SLC5A11: variants seen among roughly 807,000 people sequenced by gnomAD.
SLC5A11 encodes sodium/myo-inositol cotransporter 2.
SLC5A11 carries 48 observed loss-of-function variants against 69.8 expected under a neutral mutation model. The ratio of observed to expected loss-of-function variants is 0.69; its 90% CI spans 0.55 to 0.87. SLC5A11 has a LOEUF of 0.87. Ranked by LOEUF, SLC5A11 falls within the 40% of genes least tolerant of loss-of-function variation. SLC5A11 has a pLI of 0.00. For missense variants in SLC5A11, 784 were observed against 866.1 expected (o/e 0.91, Z 1.19); for synonymous variants, 319 against 342.4 (o/e 0.93, Z 0.75).
At chr16:24,907,249 C>CCTCTGG in intron 12 of SLC5A11, 74 bp downstream of exon 13, 12 of 1,549,088 alleles carry the variant, frequency 7.7e-6, no homozygotes, top group Non-Finnish European at 1.1e-5. Flanking sequence ...AGTCCAGGTT[C>CCTCTGG]AGCCAGCAAC....
chr16:24,858,502 C>A, intron 1 of SLC5A11, 118 bp from the exon 3 acceptor site: 2 of 770,544 alleles, frequency 2.6e-6, no homozygotes, highest in Non-Finnish European at 3.9e-6. Context: ...ATCTGTCTTC[C>A]ACCACACATC....
intron 1 of SLC5A11, among the ~76,000 whole-genome samples, chr16:24,849,438 A>C (rs1056997230): frequency 1.3e-5 from 2 of 151,070 alleles, no homozygotes; most frequent in Non-Finnish European, 1.5e-5. Flanking sequence ...GTGGTGACAC[A>C]TGCCTGTAAT....
chr16:24,877,657 C>G (rs930221380), intron 7 of SLC5A11, among the ~76,000 whole-genome samples: 2 of 152,096 alleles, frequency 1.3e-5, no homozygotes, highest in Non-Finnish European at 1.5e-5. Context: ...CCAGACCAGC[C>G]TGGCCAACAT....
intron 3 of SLC5A11, among the ~76,000 whole-genome samples, chr16:24,862,963 A>ATTATATAATATATAATTT (rs2046679276): frequency 7.2e-6 from 1 of 138,648 alleles, no homozygotes; most frequent in Non-Finnish European, 1.5e-5. Context: ...ATAATTATAT[A>ATTATATAATATATAATTT]TTATATAATA....
At chr16:24,875,324 A>G (rs1157070282) in intron 5 of SLC5A11, among the ~76,000 whole-genome samples, 1 of 152,120 alleles carries the variant, frequency 6.6e-6, no homozygotes, top group African/African-American at 2.4e-5. Context: ...AGCTGGGACT[A>G]CAGGCGCCTG....
intron 1 of SLC5A11, among the ~76,000 whole-genome samples, chr16:24,851,985 CT>C (rs1399610861): frequency 9.3e-5 from 14 of 150,896 alleles, no homozygotes; most frequent in Non-Finnish European, 1.5e-4. Context: ...CTCTCTCTCT[CT>C]CTCTCTCTCC....
At chr16:24,899,943 G>A (rs957851600) in intron 10 of SLC5A11, among the ~76,000 whole-genome samples, 7 of 152,012 alleles carry the variant, frequency 4.6e-5, no homozygotes, top group Non-Finnish European at 1.0e-4. Flanking sequence ...GGCTCAAGCA[G>A]TCCACCCACT....
At chr16:24,887,865 CG>C (rs2152353726) in intron 8 of SLC5A11, among the ~76,000 whole-genome samples, 1 of 152,050 alleles carries the variant, frequency 6.6e-6, no homozygotes, top group African/African-American at 2.4e-5. Context: ...AAGCGATAAA[CG>C]GGGGATAAGT....
At position 24,909,019 on chromosome 16, in the gene SLC5A11, TC is replaced by T. The variant is rs2050295471; in HGVS notation, c.1575del (p.Met526Ter). ...GAAGAGCATTCACTACCTCTACTTCTCCATGATCCTGTCCACGGTCACCCTC... is the reference window on the plus strand; with the variant it reads ...GAAGAGCATTCACTACCTCTACTTCTCATGATCCTGTCCACGGTCACCCTC... On this transcript the variant is annotated frameshift_variant, in exon 14 of 16. Coordinates refer to ENST00000347898, the Ensembl canonical transcript of SLC5A11. LOFTEE classifies it high-confidence loss of function. 6.2e-7 allele frequency: 1 copy of T among 1,613,946 alleles called. No individual in the cohort carries two copies. The highest frequency in any genetic ancestry group is 8.5e-7 in the Non-Finnish European group (1 of 1,180,026).
intron 12 of SLC5A11, 57 bp from the exon 14 acceptor site, chr16:24,907,906 G>A: frequency 6.3e-7 from 1 of 1,579,648 alleles, no homozygotes; most frequent in Admixed American, 1.8e-5. Flanking sequence ...CAGAGAGAGG[G>A]AAAGAGGAGT....
chr16:24,897,681 G>T (rs1042698465), intron 9 of SLC5A11, among the ~76,000 whole-genome samples: 2 of 152,172 alleles, frequency 1.3e-5, no homozygotes, highest in African/African-American at 4.8e-5. Flanking sequence ...CACAATCATG[G>T]CAGAAGGCAA....
intron 10 of SLC5A11, 42 bp from the exon 12 acceptor site, chr16:24,906,615 G>A (rs771980873): frequency 1.4e-6 from 2 of 1,409,618 alleles, no homozygotes; most frequent in Non-Finnish European, 1.9e-6. Context: ...TGGGGCTCTG[G>A]GGGCCTGACT....
intron 9 of SLC5A11, among the ~76,000 whole-genome samples, chr16:24,895,769 T>A (rs369463668): frequency 5.3e-5 from 8 of 152,222 alleles, no homozygotes; most frequent in African/African-American, 1.9e-4. Context: ...TGCAGTTAGG[T>A]CATTAACAAA....
At chr16:24,865,133 A>G (rs2046840801) in intron 3 of SLC5A11, among the ~76,000 whole-genome samples, 1 of 152,240 alleles carries the variant, frequency 6.6e-6, no homozygotes. Flanking sequence ...AACAATATTA[A>G]TCTACACATC....
intron 1 of SLC5A11, among the ~76,000 whole-genome samples, chr16:24,853,533 C>A (rs2059402794): frequency 6.6e-6 from 1 of 151,720 alleles, no homozygotes; most frequent in Non-Finnish European, 1.5e-5. Flanking sequence ...ACAGCTGGTG[C>A]CTAATAAATG....
At chr16:24,898,392 T>C (rs2049333009) in intron 10 of SLC5A11, among the ~76,000 whole-genome samples, 1 of 151,830 alleles carries the variant, frequency 6.6e-6, no homozygotes, top group African/African-American at 2.4e-5. Flanking sequence ...TTTGAAAAAA[T>C]AGAGATGCTG....
chr16:24,852,033 C>T (rs1008536106), intron 1 of SLC5A11, among the ~76,000 whole-genome samples: 2 of 150,648 alleles, frequency 1.3e-5, no homozygotes, highest in African/African-American at 4.9e-5. Context: ...CTGCCACCCC[C>T]TCTAATGTGT....
chr16:24,891,503 A>G lies in SLC5A11; in HGVS notation c.870+429A>G, dbSNP rs184915729. ...CTATTTATTATTATTATTATTTTTT[A>G]GTAGAGATGCAGGTCTCACTACACT... On this transcript the variant is annotated intron_variant, in intron 9 of 15. Coordinates refer to ENST00000347898, the Ensembl canonical transcript of SLC5A11. Among the ~76,000 whole-genome samples, 284 of 151,756 alleles carry G rather than the reference A, an allele frequency of 1.9e-3. 1 individual carries two copies. The highest frequency in any genetic ancestry group is 3.4e-3 in the Middle Eastern group (1 of 294).
At chr16:24,883,735 G>A (rs991291431) in intron 7 of SLC5A11, among the ~76,000 whole-genome samples, 1 of 152,222 alleles carries the variant, frequency 6.6e-6, no homozygotes, top group African/African-American at 2.4e-5. Flanking sequence ...CAGGGCAACA[G>A]GAGAGTAAGT....
Sources: allele counts gnomAD v4.1 joint callset (sites outside exome capture counted in the v4.1 genomes callset), GRCh38; gene constraint gnomAD v4.1.1; transcripts MANE v1.5; gene names NCBI Gene and HGNC (gene_info 2026-07-23, HGNC 2026-07-21).